CCDC170: variants seen among roughly 807,000 people sequenced by gnomAD.
CCDC170 encodes the protein coiled-coil domain-containing protein 170.
In CCDC170, 69 loss-of-function variants were observed where a neutral mutation model predicts 72.6. The ratio of observed to expected loss-of-function variants is 0.95; its 90% CI spans 0.78 to 1.16. CCDC170 has a LOEUF of 1.16. CCDC170 is among the 50% of genes most tolerant of loss of function. CCDC170 has a pLI of 0.00. For synonymous variants in CCDC170, 300 were observed against 303.9 expected, an observed-to-expected ratio of 0.99 and a Z score of 0.13; for missense variants, 852 against 832.5, an observed-to-expected ratio of 1.02 and a Z score of -0.29.
At chr6:151,512,462 A>T (rs1782164293) in intron 1 of CCDC170, among the ~76,000 whole-genome samples, 1 of 151,958 alleles carries the variant, frequency 6.6e-6, no homozygotes, top group Non-Finnish European at 1.5e-5. Context: ...ACCCGGACCC[A>T]GTAGTATATC....
At chr6:151,589,815 G>A (rs955323529) in intron 7 of CCDC170, among the ~76,000 whole-genome samples, 3 of 151,980 alleles carry the variant, frequency 2.0e-5, no homozygotes, top group Admixed American at 6.6e-5. Flanking sequence ...ATGGCCCCAC[G>A]TTCTGTGAGC....
intron 5 of CCDC170, among the ~76,000 whole-genome samples, chr6:151,564,593 T>G (rs1160006895): frequency 6.6e-6 from 1 of 152,176 alleles, no homozygotes; most frequent in Admixed American, 6.5e-5. Flanking sequence ...GTGCTGGTGT[T>G]GACAGTGGCT....
chr6:151,618,430 G>C lies in CCDC170; in HGVS notation c.*283G>C, dbSNP rs1777004690. 1 of 390,166 alleles carries C rather than the reference G, an allele frequency of 2.6e-6. No homozygotes were observed. 24.2% of individuals were successfully genotyped at this position (390,166 alleles called of 1,614,324 possible). A position where few individuals can be genotyped will look rare whatever the true frequency, so the allele number is the denominator to read the frequency against. On this transcript the variant is annotated 3_prime_UTR_variant, in exon 11 of 11. Transcript: ENST00000239374. ...GAAATGGGAGTGGGAGATAATATTG[G>C]GAGGTATCTATTTTAAGTCAGGGGC...
chr6:151,536,731 C>T (rs1782589615), intron 2 of CCDC170, among the ~76,000 whole-genome samples: 1 of 123,288 alleles, frequency 8.1e-6, no homozygotes, highest in Non-Finnish European at 1.6e-5. Flanking sequence ...GGCGAGATCA[C>T]AGTACTGCAC....
intron 9 of CCDC170, among the ~76,000 whole-genome samples, chr6:151,605,138 A>G (rs1179108333): frequency 6.6e-6 from 1 of 152,172 alleles, no homozygotes; most frequent in Non-Finnish European, 1.5e-5. Flanking sequence ...GAGTGAGAAT[A>G]TGTGGTATTT....
chr6:151,604,422 G>A (rs1348171850), intron 9 of CCDC170, among the ~76,000 whole-genome samples: 1 of 152,142 alleles, frequency 6.6e-6, no homozygotes, highest in Admixed American at 6.5e-5. Context: ...GAGTGGAGGG[G>A]TGTGTCCTTA....
intron 3 of CCDC170, among the ~76,000 whole-genome samples, chr6:151,540,747 T>A (rs1006819957): frequency 6.6e-6 from 1 of 151,986 alleles, no homozygotes; most frequent in Non-Finnish European, 1.5e-5. Flanking sequence ...TATGACCTAA[T>A]TACCTCCCAA....
intron 1 of CCDC170, among the ~76,000 whole-genome samples, chr6:151,519,566 A>T (rs938655575): frequency 6.6e-6 from 1 of 152,262 alleles, no homozygotes; most frequent in Non-Finnish European, 1.5e-5. Flanking sequence ...TAAAGTAAAG[A>T]CAGGCATAAG....
intron 1 of CCDC170, among the ~76,000 whole-genome samples, chr6:151,507,280 C>T (rs750990179): frequency 1.3e-5 from 2 of 151,800 alleles, no homozygotes; most frequent in Non-Finnish European, 2.9e-5. Context: ...TTTTAAGGAT[C>T]CATGAGAATG....
intron 9 of CCDC170, among the ~76,000 whole-genome samples, chr6:151,596,951 T>A (rs139929333): frequency 6.6e-6 from 1 of 151,814 alleles, no homozygotes; most frequent in Non-Finnish European, 1.5e-5. Context: ...CTCAGCCTCC[T>A]GAGTAGCCAG....
intron 9 of CCDC170, among the ~76,000 whole-genome samples, chr6:151,607,025 C>T (rs1057442742): frequency 6.6e-6 from 1 of 152,024 alleles, no homozygotes; most frequent in Non-Finnish European, 1.5e-5. Flanking sequence ...TTATAGGCAG[C>T]ATATAGTTGA....
intron 1 of CCDC170, among the ~76,000 whole-genome samples, chr6:151,507,629 T>C (rs1782083522): frequency 6.6e-6 from 1 of 152,098 alleles, no homozygotes; most frequent in Non-Finnish European, 1.5e-5. Flanking sequence ...GTAGAAAACA[T>C]TGATAAATAT....
At chr6:151,563,302 G>C (rs377720726) in intron 5 of CCDC170, among the ~76,000 whole-genome samples, 1 of 152,218 alleles carries the variant, frequency 6.6e-6, no homozygotes, top group South Asian at 2.1e-4. Context: ...AACTGCATAA[G>C]TGGGGTGGAG....
chr6:151,512,781 C>T (rs4308570), intron 1 of CCDC170, among the ~76,000 whole-genome samples: 7,190 of 128,962 alleles, frequency 0.056, 448 homozygotes, highest in African/African-American at 0.15. Flanking sequence ...GTTTATGTTG[C>T]GTCTGTATAT....
chr6:151,564,849 A>G (rs1018282590), intron 5 of CCDC170, among the ~76,000 whole-genome samples: 5 of 152,162 alleles, frequency 3.3e-5, no homozygotes, highest in South Asian at 2.1e-4. Flanking sequence ...GGTGGTGCCT[A>G]TCAGCACTGG....
Position 151,559,012 on chromosome 6 carries a change from C to CTTTTTTTTTTTTTTTTTTTTTTTTTTT in CCDC170, c.774+10540_774+10541insTTTTTTTTTTTTTTTTTTTTTTTTTTT, listed in dbSNP as rs201171602. ...TGGTCATTTAACAACATTAATTTAT[C>CTTTTTTTTTTTTTTTTTTTTTTTTTTT]TTTTTTTTTTTTTTTTTCGAGACAG... is the stretch of plus-strand genomic sequence containing the variant. On this transcript the variant is annotated intron_variant, in intron 5 of 10. Transcript: ENST00000239374. 1.6e-5 allele frequency among the ~76,000 whole-genome samples: 2 copies of CTTTTTTTTTTTTTTTTTTTTTTTTTTT among 125,710 alleles called. 1 individual carries two copies. The highest frequency in any genetic ancestry group is 3.2e-5 in the Non-Finnish European group (2 of 62,376). 82.5% of individuals were successfully genotyped at this position (125,710 alleles called of 152,430 possible). A position where few individuals can be genotyped will look rare whatever the true frequency, so the allele number is the denominator to read the frequency against.
At chr6:151,581,732 C>A (rs1287332432) in intron 6 of CCDC170, among the ~76,000 whole-genome samples, 2 of 152,204 alleles carry the variant, frequency 1.3e-5, no homozygotes, top group Non-Finnish European at 2.9e-5. Flanking sequence ...CATAATAAGA[C>A]TTTAAAGTCA....
intron 2 of CCDC170, among the ~76,000 whole-genome samples, chr6:151,537,677 C>T (rs1782611953): frequency 6.6e-6 from 1 of 152,104 alleles, no homozygotes; most frequent in Non-Finnish European, 1.5e-5. Flanking sequence ...AATCACAGAT[C>T]ATATGGTTTG....
intron 1 of CCDC170, among the ~76,000 whole-genome samples, chr6:151,506,788 C>T (rs1050165556): frequency 7.2e-5 from 11 of 152,180 alleles, no homozygotes; most frequent in African/African-American, 2.4e-4. Flanking sequence ...AGATGGCCCT[C>T]TGTAATGTGG....
Sources: allele counts gnomAD v4.1 joint callset (sites outside exome capture counted in the v4.1 genomes callset), GRCh38; gene constraint gnomAD v4.1.1; transcripts MANE v1.5; gene names NCBI Gene and HGNC (gene_info 2026-07-23, HGNC 2026-07-21).